Variants in BCL2 observed in about 807,000 individuals in gnomAD.
BCL2 encodes the protein apoptosis regulator Bcl-2.
A neutral mutation model predicts 14.2 loss-of-function variants in BCL2; 1 was observed. The ratio of observed to expected loss-of-function variants is 0.07; its 90% CI spans 0.02 to 0.33. BCL2 has a LOEUF of 0.33. Among genes scored for constraint, BCL2 ranks in the 10% least tolerant of loss-of-function variants. BCL2 has a pLI of 0.99. For synonymous variants in BCL2, 151 were observed against 137.2 expected, an observed-to-expected ratio of 1.10 and a Z score of -0.70; for missense variants, 247 against 305.9, an observed-to-expected ratio of 0.81 and a Z score of 1.44.
chr18:63,202,921 G>A (rs549243979), intron 2 of BCL2, among the ~76,000 whole-genome samples: 128 of 152,230 alleles, frequency 8.4e-4, no homozygotes, highest in African/African-American at 3.0e-3. Context: ...TCTTGCCCCC[G>A]GAGTGGATTT....
At chr18:63,298,182 G>A (rs1338118175) in intron 2 of BCL2, among the ~76,000 whole-genome samples, 3 of 152,136 alleles carry the variant, frequency 2.0e-5, no homozygotes, top group South Asian at 2.1e-4. Flanking sequence ...AAGGAACTCC[G>A]AGCTGCAATC....
At chr18:63,218,502 A>C (rs867292191) in intron 2 of BCL2, among the ~76,000 whole-genome samples, 27 of 151,592 alleles carry the variant, frequency 1.8e-4, no homozygotes, top group African/African-American at 6.1e-4. Context: ...CATTGTTCAA[A>C]GTTCTTTCAC....
At chr18:63,230,104 A>T (rs1207903492) in intron 2 of BCL2, among the ~76,000 whole-genome samples, 1 of 152,224 alleles carries the variant, frequency 6.6e-6, no homozygotes, top group Non-Finnish European at 1.5e-5. Context: ...GTTCATAAAA[A>T]TTGAACAGGT....
intron 2 of BCL2, among the ~76,000 whole-genome samples, chr18:63,237,059 G>A (rs1056679880): frequency 2.0e-4 from 30 of 152,132 alleles, no homozygotes; most frequent in Admixed American, 3.9e-4. Context: ...TTGCCTCTGG[G>A]AAATACATAA....
intron 2 of BCL2, among the ~76,000 whole-genome samples, chr18:63,229,357 T>C (rs1258387836): frequency 2.6e-5 from 4 of 152,206 alleles, no homozygotes; most frequent in Non-Finnish European, 5.9e-5. Flanking sequence ...TGTGATTGTG[T>C]GCCTTTGCAT....
At chr18:63,180,575 C>G (rs1915459658) in intron 2 of BCL2, among the ~76,000 whole-genome samples, 1 of 148,862 alleles carries the variant, frequency 6.7e-6, no homozygotes, top group African/African-American at 2.5e-5. Context: ...CTTTCCCAGG[C>G]TGACCACGGC....
intron 2 of BCL2, among the ~76,000 whole-genome samples, chr18:63,298,234 C>G (rs150407014): frequency 1.3e-5 from 2 of 152,334 alleles, no homozygotes; most frequent in South Asian, 2.1e-4. Context: ...TTATTTTACA[C>G]GACTCTGACC....
intron 2 of BCL2, among the ~76,000 whole-genome samples, chr18:63,288,690 T>C (rs1210966871): frequency 1.3e-5 from 2 of 152,208 alleles, no homozygotes; most frequent in Non-Finnish European, 2.9e-5. Context: ...GCCATTGGGA[T>C]ATGCAACCAA....
intron 2 of BCL2, among the ~76,000 whole-genome samples, chr18:63,214,799 C>T (rs911728432): frequency 6.6e-6 from 1 of 152,160 alleles, no homozygotes; most frequent in East Asian, 1.9e-4. Flanking sequence ...CAACCTCCGC[C>T]TCCTGGTTTC....
At chr18:63,168,499 A>G (rs1453446285) in intron 2 of BCL2, among the ~76,000 whole-genome samples, 1 of 152,214 alleles carries the variant, frequency 6.6e-6, no homozygotes, top group Non-Finnish European at 1.5e-5. Flanking sequence ...ATAGTCTCTG[A>G]GGTCATTCTT....
At chr18:63,186,113 T>C (rs1272996066) in intron 2 of BCL2, among the ~76,000 whole-genome samples, 2 of 152,186 alleles carry the variant, frequency 1.3e-5, no homozygotes, top group Non-Finnish European at 2.9e-5. Flanking sequence ...CATATAAACA[T>C]TGACTCAACT....
At position 63,124,024 on chromosome 18, in the gene BCL2, G is replaced by A. The variant is rs749655144; in HGVS notation, c.*4601C>T. ...GTTGTTGATAGGATGTTTGCTTGAA[G>A]TTATTTTTCTGGGGCAGTCCAGATG... is the stretch of plus-strand genomic sequence containing the variant. On this transcript the variant is annotated 3_prime_UTR_variant, in exon 3 of 3. Coordinates refer to ENST00000333681, the MANE Select transcript of BCL2 (RefSeq NM_000633.3). The A allele has an allele frequency of 2.7e-5, 6 of 221,410 alleles. No homozygotes were observed. Among genetic ancestry groups the A allele is most frequent in the Non-Finnish European group, 4.5e-5 (5 of 110,728 alleles). 13.7% of individuals were successfully genotyped at this position (221,410 alleles called of 1,614,324 possible). A position where few individuals can be genotyped will look rare whatever the true frequency, so the allele number is the denominator to read the frequency against.
At chr18:63,222,350 T>A (rs1344824205) in intron 2 of BCL2, among the ~76,000 whole-genome samples, 1 of 145,228 alleles carries the variant, frequency 6.9e-6, no homozygotes, top group East Asian at 2.0e-4. Flanking sequence ...ATATCTGAGG[T>A]TGAACTGCCA....
intron 2 of BCL2, among the ~76,000 whole-genome samples, chr18:63,297,150 T>G (rs1262259294): frequency 6.6e-6 from 1 of 151,782 alleles, no homozygotes; most frequent in Non-Finnish European, 1.5e-5. Flanking sequence ...GAGGCGGAGG[T>G]TGCAGTGAGC....
chr18:63,260,166 C>CA (rs1911613167), intron 2 of BCL2, among the ~76,000 whole-genome samples: 1 of 152,016 alleles, frequency 6.6e-6, no homozygotes, highest in Non-Finnish European at 1.5e-5. Flanking sequence ...TTATGATATC[C>CA]ATCAGAAAAG....
intron 2 of BCL2, among the ~76,000 whole-genome samples, chr18:63,238,905 C>T (rs1007591051): frequency 3.9e-5 from 6 of 152,136 alleles, no homozygotes; most frequent in African/African-American, 7.2e-5. Flanking sequence ...GACCAGGAAA[C>T]GCTGGGAGAC....
chr18:63,227,353 G>T (rs2144170962), intron 2 of BCL2, among the ~76,000 whole-genome samples: 1 of 152,312 alleles, frequency 6.6e-6, no homozygotes, highest in African/African-American at 2.4e-5. Flanking sequence ...TGGGACTACA[G>T]GTGCATGCCA....
intron 2 of BCL2, among the ~76,000 whole-genome samples, chr18:63,224,532 A>C (rs940855225): frequency 6.6e-5 from 10 of 152,338 alleles, no homozygotes; most frequent in African/African-American, 2.4e-4. Flanking sequence ...ACTGTTTTTT[A>C]ACCTGGATTT....
intron 2 of BCL2, among the ~76,000 whole-genome samples, chr18:63,297,605 A>G (rs1299040015): frequency 6.6e-6 from 1 of 152,196 alleles, no homozygotes; most frequent in Non-Finnish European, 1.5e-5. Context: ...CCCAATCAAG[A>G]TGTGTAGGAT....
Sources: gnomAD v4.1 joint callset for allele counts (sites outside exome capture counted in the v4.1 genomes callset) on GRCh38, gnomAD v4.1.1 for gene constraint, MANE v1.5 for transcripts, NCBI Gene and HGNC (gene_info 2026-07-23, HGNC 2026-07-21) for gene names.